GIT2: variants seen among roughly 807,000 people sequenced by gnomAD.
GIT2 encodes the protein GIT ArfGAP 2.
In GIT2, 32 loss-of-function variants were observed where a neutral mutation model predicts 100.3. That is an observed-to-expected ratio of 0.32 (90% CI 0.24 to 0.43). The LOEUF (loss-of-function observed/expected upper bound fraction) is 0.43, where lower values mean the gene tolerates loss of function less well. Among genes scored for constraint, GIT2 ranks in the 20% least tolerant of loss-of-function variants. GIT2 has a pLI of 1.00. For missense variants in GIT2, 737 were observed against 975.1 expected (o/e 0.76, Z 3.25); for synonymous variants, 353 against 364.1 (o/e 0.97, Z 0.35).
intron 7 of GIT2, among the ~76,000 whole-genome samples, chr12:109,973,664 C>T (rs1386302784): frequency 2.6e-5 from 4 of 151,702 alleles, no homozygotes; most frequent in African/African-American, 9.7e-5. Flanking sequence ...TTGATTTCTG[C>T]TCTTTACTAT....
At chr12:109,960,557 GACA>G (rs1880813999) in intron 11 of GIT2, among the ~76,000 whole-genome samples, 1 of 151,904 alleles carries the variant, frequency 6.6e-6, no homozygotes, top group Admixed American at 6.6e-5. Flanking sequence ...CTCTAGCCTG[GACA>G]ACAGAGCAAG....
intron 7 of GIT2, among the ~76,000 whole-genome samples, chr12:109,967,963 T>TA (rs1882913381): frequency 6.6e-6 from 1 of 152,202 alleles, no homozygotes; most frequent in South Asian, 2.1e-4. Flanking sequence ...GCAAGGAAGC[T>TA]TACTGACTCA....
rs112542886 is a variant in GIT2 at position 109,947,973 on chromosome 12, T to C, written c.1393-469A>G. On this transcript the variant is annotated intron_variant, in intron 14 of 19. Transcript: ENST00000355312. The surrounding 1 kb of genome is among the most constrained non-coding windows in gnomAD (Gnocchi z 4.3). ...ACCATGGAAGCAGCACAAAGATGAC[T>C]AGGGTTGCTTTGCAAAGCAAGAAAG... 7.4e-4 allele frequency: 176 copies of C among 239,130 alleles called. No homozygotes were observed. Among genetic ancestry groups the C allele is most frequent in the Non-Finnish European group, 1.1e-3 (157 of 147,330 alleles). 14.8% of individuals were successfully genotyped at this position (239,130 alleles called of 1,614,324 possible). A position where few individuals can be genotyped will look rare whatever the true frequency, so the allele number is the denominator to read the frequency against.
intron 1 of GIT2, 47 bp from the exon 2 acceptor site, chr12:109,991,807 T>C (rs766660105): frequency 1.3e-6 from 2 of 1,559,750 alleles, no homozygotes; most frequent in Non-Finnish European, 1.8e-6. Flanking sequence ...AGCAGGTTGC[T>C]ATACCGCCAG....
At chr12:109,980,802 C>G (rs1474029152) in intron 7 of GIT2, 150 bp downstream of exon 7, 1 of 645,018 alleles carries the variant, frequency 1.6e-6, no homozygotes, top group Non-Finnish European at 2.8e-6. Flanking sequence ...ACTGACAATT[C>G]TGTAGTTATC....
chr12:110,000,057 A>G (rs969309490), upstream of GIT2, among the ~76,000 whole-genome samples: 1 of 152,182 alleles, frequency 6.6e-6, no homozygotes, highest in African/African-American at 2.4e-5. Flanking sequence ...AGGTCCTCAG[A>G]CGCTACGTGC....
In GIT2 at chr12:109,930,322, C is replaced by T. The variant is rs1039724845; in HGVS notation, c.*2656G>A. 3.3e-5 allele frequency: 5 copies of T among 153,012 alleles called. No homozygotes were observed. Among genetic ancestry groups the T allele is most frequent in the African/African-American group, 1.2e-4 (5 of 41,434 alleles). 9.5% of individuals were successfully genotyped at this position (153,012 alleles called of 1,614,324 possible). On this transcript the variant is annotated 3_prime_UTR_variant, in exon 20 of 20. Transcript: ENST00000355312. ...CCAGTTTCATAAAGTGCACCTCTGC[C>T]CTATCAGCTTTGGGGGAAGGGTGGC... is the stretch of plus-strand genomic sequence containing the variant.
Position 109,978,757 on chromosome 12 carries a change from T to C in GIT2, c.718+2195A>G, listed in dbSNP as rs1885667465. Among the ~76,000 whole-genome samples the C allele has an allele frequency of 2.0e-5, 3 of 152,260 alleles. No individual in the cohort carries two copies. In the South Asian group the frequency reaches 6.2e-4, roughly 31 times the overall value. ...TCTATATTCCTGTTTGTTTCAAGAATGTTTGCTTTTACTTCTTATAGCATG... is the reference window on the plus strand; with the variant it reads ...TCTATATTCCTGTTTGTTTCAAGAACGTTTGCTTTTACTTCTTATAGCATG... On this transcript the variant is annotated intron_variant, in intron 7 of 19. Coordinates refer to ENST00000355312, the MANE Select transcript of GIT2 (RefSeq NM_057169.5).
At chr12:109,975,010 T>A (rs984845556) in intron 7 of GIT2, among the ~76,000 whole-genome samples, 3 of 152,228 alleles carry the variant, frequency 2.0e-5, no homozygotes, top group Non-Finnish European at 4.4e-5. Context: ...TATGATAATA[T>A]TATGTCCCTC....
At chr12:109,941,530 T>TA (rs1233079171) in intron 16 of GIT2, among the ~76,000 whole-genome samples, 1 of 143,122 alleles carries the variant, frequency 7.0e-6, no homozygotes, top group East Asian at 2.0e-4. Flanking sequence ...AACTTTTTTC[T>TA]TTTTTTTTTT....
intron 16 of GIT2, among the ~76,000 whole-genome samples, chr12:109,944,324 G>A (rs1875667800): frequency 6.6e-6 from 1 of 152,180 alleles, no homozygotes; most frequent in Admixed American, 6.5e-5. Context: ...TGCCTGTAAA[G>A]GTGGTCCCTT....
intron 4 of GIT2, among the ~76,000 whole-genome samples, chr12:109,988,669 A>G (rs1458381049): frequency 1.3e-5 from 2 of 152,092 alleles, no homozygotes; most frequent in African/African-American, 4.8e-5. Context: ...CCTGGCCAAC[A>G]TGGTGAAACC....
chr12:109,991,173 G>C (rs1593163461), intron 2 of GIT2, among the ~76,000 whole-genome samples: 1 of 152,276 alleles, frequency 6.6e-6, no homozygotes, highest in East Asian at 1.9e-4. Flanking sequence ...AGCCGGGCAT[G>C]ATGGCGGGTG....
At chr12:109,976,105 T>TATACACACAC (rs1555232702) in intron 7 of GIT2, among the ~76,000 whole-genome samples, 1 of 149,018 alleles carries the variant, frequency 6.7e-6, no homozygotes, top group African/African-American at 2.5e-5. Context: ...GAAATTACTA[T>TATACACACAC]ACACACACAC....
At chr12:109,937,349 C>T (rs193037465) in intron 18 of GIT2, among the ~76,000 whole-genome samples, 2 of 152,302 alleles carry the variant, frequency 1.3e-5, no homozygotes, top group Non-Finnish European at 2.9e-5. Context: ...AGCACAGCAT[C>T]CCTTGAATAC....
rs184981959 is a variant in GIT2 at position 109,931,145 on chromosome 12, C to G, written c.*1833G>C. ...ATGGTCAAGCTATAAAGGTGTGCAT[C>G]GATCAGTCCTGTGAAAATAGAAGCT... On this transcript the variant is annotated 3_prime_UTR_variant, in exon 20 of 20. Coordinates refer to ENST00000355312, the MANE Select transcript of GIT2 (RefSeq NM_057169.5). 1 of 152,260 alleles carries G rather than the reference C, an allele frequency of 6.6e-6. No individual in the cohort carries two copies. The highest frequency in any genetic ancestry group is 1.5e-5 in the Non-Finnish European group (1 of 68,052). The allele number at this position is 152,260 out of a possible 1,614,324, so 9.4% of individuals were successfully genotyped here.
At chr12:109,966,124 T>C (rs112707950) in intron 8 of GIT2, among the ~76,000 whole-genome samples, 2,794 of 150,854 alleles carry the variant, frequency 0.019, 83 homozygotes, top group African/African-American at 0.064. Context: ...GCCTCCAGAG[T>C]AGCTGGGATT....
intron 12 of GIT2, chr12:109,953,941 A>G (rs1406999582): frequency 1.3e-5 from 2 of 152,246 alleles, no homozygotes; most frequent in African/African-American, 4.8e-5. Context: ...TACCTATAAC[A>G]TATTTACAAG....
chr12:109,952,529 C>T (rs758195620), intron 13 of GIT2: 4 of 518,948 alleles, frequency 7.7e-6, no homozygotes, highest in East Asian at 5.4e-5. Flanking sequence ...GCTGCAGCTT[C>T]GAGTCCCAAC....
Sources: gnomAD v4.1 joint callset for allele counts (sites outside exome capture counted in the v4.1 genomes callset) on GRCh38, gnomAD v4.1.1 for gene constraint, Gnocchi (gnomAD v3.1) non-coding constraint, MANE v1.5 for transcripts, NCBI Gene and HGNC (gene_info 2026-07-23, HGNC 2026-07-21) for gene names.